The following HEMK2 variants were observed in gnomAD, a reference collection of about 807,000 sequenced individuals.
HEMK2 encodes the protein HemK methyltransferase 2, ETF1 glutamine and histone H4 lysine, also known as methyltransferase HEMK2.
At chr21:28,692,921 T>A in the HEMK2 span, among the ~76,000 whole-genome samples, 68 of 152,260 alleles carry the variant, frequency 4.5e-4, no homozygotes, top group African/African-American at 1.6e-3. Flanking sequence ...TATGCTTCCA[T>A]CTGCATGAAA....
At chr21:28,608,982 G>A in the HEMK2 span, among the ~76,000 whole-genome samples, 22 of 152,190 alleles carry the variant, frequency 1.4e-4, no homozygotes, top group South Asian at 4.2e-4. Flanking sequence ...CACTCTGGTC[G>A]TCAAAGACAA....
the HEMK2 span, among the ~76,000 whole-genome samples, chr21:28,722,135 T>C: frequency 1.3e-5 from 2 of 151,890 alleles, no homozygotes; most frequent in African/African-American, 4.8e-5. Context: ...TATTGTGTTG[T>C]CTTCCATCTA....
chr21:28,814,240 A>C, the HEMK2 span, among the ~76,000 whole-genome samples: 1 of 152,130 alleles, frequency 6.6e-6, no homozygotes, highest in Non-Finnish European at 1.5e-5. Flanking sequence ...CCATCTCAAA[A>C]AAAACACTTG....
chr21:28,777,947 T>TA, the HEMK2 span, among the ~76,000 whole-genome samples: 7 of 152,212 alleles, frequency 4.6e-5, no homozygotes, highest in East Asian at 1.9e-4. Context: ...ACCTTTACTT[T>TA]AAAAAATAAA....
chr21:28,592,438 C>A, the HEMK2 span, among the ~76,000 whole-genome samples: 2 of 152,162 alleles, frequency 1.3e-5, no homozygotes, highest in South Asian at 2.1e-4. Context: ...GGCAGAAAAA[C>A]TGCCTGTAGA....
At chr21:28,859,063 C>G in the HEMK2 span, among the ~76,000 whole-genome samples, 1 of 152,120 alleles carries the variant, frequency 6.6e-6, no homozygotes, top group African/African-American at 2.4e-5. Flanking sequence ...TTGCCCAAAG[C>G]TTTGTTCATA....
the HEMK2 span, among the ~76,000 whole-genome samples, chr21:28,777,167 A>G: frequency 5.9e-5 from 9 of 152,228 alleles, no homozygotes; most frequent in African/African-American, 1.2e-4. Flanking sequence ...AAGTAGTTCA[A>G]ACACTAAGAA....
At chr21:28,774,773 C>T in the HEMK2 span, among the ~76,000 whole-genome samples, 11 of 152,134 alleles carry the variant, frequency 7.2e-5, no homozygotes, top group South Asian at 1.2e-3. Flanking sequence ...TTTTTGAATA[C>T]GTAAGTATTA....
the HEMK2 span, among the ~76,000 whole-genome samples, chr21:28,805,933 CA>C: frequency 1.3e-5 from 2 of 152,162 alleles, no homozygotes; most frequent in Non-Finnish European, 2.9e-5. Flanking sequence ...TCCAAAAACT[CA>C]GCCAGTACAT....
At chr21:28,732,532 C>T in the HEMK2 span, among the ~76,000 whole-genome samples, 1 of 152,188 alleles carries the variant, frequency 6.6e-6, no homozygotes, top group African/African-American at 2.4e-5. Flanking sequence ...GTGGACATCA[C>T]TATCAATTTC....
chr21:28,753,538 A>G, the HEMK2 span, among the ~76,000 whole-genome samples: 13 of 152,082 alleles, frequency 8.5e-5, no homozygotes, highest in Non-Finnish European at 1.9e-4. Context: ...GACATTCTCA[A>G]TCATCATTGA....
chr21:28,766,405 G>A, the HEMK2 span, among the ~76,000 whole-genome samples: 2 of 151,382 alleles, frequency 1.3e-5, no homozygotes, highest in African/African-American at 4.9e-5. Flanking sequence ...TACTGCTGGT[G>A]GGAGTGTAAA....
At chr21:28,792,803 C>A in the HEMK2 span, among the ~76,000 whole-genome samples, 1 of 152,126 alleles carries the variant, frequency 6.6e-6, no homozygotes, top group African/African-American at 2.4e-5. Context: ...GCTTCCTATG[C>A]CTTCCTAGGG....
At chr21:28,798,455 C>T in the HEMK2 span, among the ~76,000 whole-genome samples, 1 of 152,032 alleles carries the variant, frequency 6.6e-6, no homozygotes, top group African/African-American at 2.4e-5. Context: ...ACTGTATGTT[C>T]AGCAGTCATT....
At chr21:28,729,633 C>CAA in the HEMK2 span, among the ~76,000 whole-genome samples, 43,451 of 118,514 alleles carry the variant, frequency 0.37, 7,608 homozygotes, top group African/African-American at 0.48. Context: ...TGCTGATAAG[C>CAA]AAAAAAAAAA....
the HEMK2 span, among the ~76,000 whole-genome samples, chr21:28,608,446 T>A: frequency 6.7e-6 from 1 of 150,216 alleles, no homozygotes; most frequent in Non-Finnish European, 1.5e-5. Flanking sequence ...GAGGTAGGAC[T>A]AAATTGCAGC....
chr21:28,841,393 TA>T, the HEMK2 span, among the ~76,000 whole-genome samples: 13 of 34,786 alleles, frequency 3.7e-4, no homozygotes, highest in Non-Finnish European at 5.4e-4. Context: ...ATATATAAAA[TA>T]TTATATATAT....
At chr21:28,675,396 C>G in the HEMK2 span, among the ~76,000 whole-genome samples, 8 of 152,218 alleles carry the variant, frequency 5.3e-5, no homozygotes, top group African/African-American at 1.9e-4. Context: ...TCCCAGTGTC[C>G]CTATTTTGAA....
At chr21:28,876,455 T>C in the HEMK2 span, 1 of 1,608,950 alleles carries the variant, frequency 6.2e-7, no homozygotes, top group Admixed American at 1.7e-5. Context: ...AGTGGTTCCT[T>C]GCAGACCTTT....
Sources: gnomAD v4.1 joint callset for allele counts (sites outside exome capture counted in the v4.1 genomes callset) on GRCh38, gnomAD v4.1.1 for gene constraint, MANE v1.5 for transcripts, NCBI Gene and HGNC (gene_info 2026-07-23, HGNC 2026-07-21) for gene names.